The following CEP112 variants were observed in gnomAD, a reference collection of about 807,000 sequenced individuals.
CEP112 encodes centrosomal protein of 112 kDa.
CEP112 carries 127 observed loss-of-function variants against 153.0 expected under a neutral mutation model. The observed-to-expected ratio is 0.83, with a 90% CI of 0.72 to 0.96. CEP112 has a LOEUF of 0.96. Among genes scored for constraint, CEP112 ranks in the 40% least tolerant of loss-of-function variants. CEP112 has a pLI of 0.00. For missense variants in CEP112, 1,089 were observed against 1,101.2 expected (o/e 0.99, Z 0.16); for synonymous variants, 358 against 374.4 (o/e 0.96, Z 0.51).
intron 21 of CEP112, among the ~76,000 whole-genome samples, chr17:65,821,179 A>G (rs1228922027): frequency 6.6e-6 from 1 of 151,788 alleles, no homozygotes; most frequent in African/African-American, 2.4e-5. Flanking sequence ...GTTTTTAGCC[A>G]TAAGTGCAGT....
intron 4 of CEP112, among the ~76,000 whole-genome samples, chr17:66,158,411 G>A (rs1314269836): frequency 6.6e-6 from 1 of 152,110 alleles, no homozygotes; most frequent in Non-Finnish European, 1.5e-5. Context: ...AGGAGATCGA[G>A]ATCATCCTGG....
intron 23 of CEP112, among the ~76,000 whole-genome samples, chr17:65,727,642 C>A (rs181155333): frequency 6.6e-6 from 1 of 152,218 alleles, no homozygotes; most frequent in African/African-American, 2.4e-5. Flanking sequence ...CTGGAGGTAA[C>A]CCTGATAGAC....
chr17:65,744,329 A>G (rs1262250582), intron 22 of CEP112, among the ~76,000 whole-genome samples: 1 of 151,438 alleles, frequency 6.6e-6, no homozygotes, highest in Non-Finnish European at 1.5e-5. Flanking sequence ...TCTCGGCTCA[A>G]TGTAACCTCC....
At chr17:65,903,915 C>A (rs983479470) in intron 19 of CEP112, among the ~76,000 whole-genome samples, 3 of 152,074 alleles carry the variant, frequency 2.0e-5, no homozygotes, top group African/African-American at 7.2e-5. Flanking sequence ...ATTCAACATC[C>A]CTTCATGCTA....
chr17:65,940,312 C>A (rs928566240), intron 18 of CEP112, among the ~76,000 whole-genome samples: 4 of 152,122 alleles, frequency 2.6e-5, no homozygotes, highest in Non-Finnish European at 4.4e-5. Context: ...ATAACCACTA[C>A]AGAAAATGTA....
intron 24 of CEP112, among the ~76,000 whole-genome samples, chr17:65,654,056 CAA>C (rs773433478): frequency 0.03 from 793 of 26,756 alleles, 1 homozygote; most frequent in East Asian, 0.053. Context: ...AAGACTCCAT[CAA>C]AAAAAAAAAA....
At chr17:65,825,148 T>A (rs2056778611) in intron 21 of CEP112, among the ~76,000 whole-genome samples, 1 of 152,234 alleles carries the variant, frequency 6.6e-6, no homozygotes. Flanking sequence ...ATTATTCATT[T>A]TGAACAAAAC....
chr17:66,122,438 T>A (rs1308465419), intron 6 of CEP112, among the ~76,000 whole-genome samples: 1 of 152,166 alleles, frequency 6.6e-6, no homozygotes, highest in South Asian at 2.1e-4. Flanking sequence ...CCCCTCTCCA[T>A]GAGTAATTTT....
chr17:65,661,715 T>C (rs1242878318), intron 24 of CEP112: 3 of 152,204 alleles, frequency 2.0e-5, no homozygotes, highest in Non-Finnish European at 4.4e-5. Flanking sequence ...TTTTTGCCAA[T>C]GTAAAGACAT....
intron 19 of CEP112, among the ~76,000 whole-genome samples, chr17:65,909,885 T>C (rs1225280551): frequency 6.6e-6 from 1 of 152,140 alleles, no homozygotes; most frequent in Non-Finnish European, 1.5e-5. Flanking sequence ...TTTTCCAGTA[T>C]CCCAGTTTTA....
At chr17:65,950,227 T>A (rs2061777706) in intron 18 of CEP112, among the ~76,000 whole-genome samples, 1 of 152,160 alleles carries the variant, frequency 6.6e-6, no homozygotes, top group African/African-American at 2.4e-5. Context: ...TAAACTTTAC[T>A]AGTGAAAATA....
chr17:65,636,595 CTTTCTTT>C (rs1434817487), intron 26 of CEP112: 1 of 154,478 alleles, frequency 6.5e-6, no homozygotes, highest in African/African-American at 2.4e-5. Flanking sequence ...CATCTTTCAT[CTTTCTTT>C]TTTCTTTTTC....
intron 4 of CEP112, among the ~76,000 whole-genome samples, chr17:66,158,568 C>T (rs559982445): frequency 5.9e-4 from 89 of 152,066 alleles, no homozygotes; most frequent in Middle Eastern, 3.4e-3. Context: ...GCCGAGATCG[C>T]GCCACTGCAC....
intron 21 of CEP112, among the ~76,000 whole-genome samples, chr17:65,765,744 T>C (rs2052927392): frequency 6.6e-6 from 1 of 152,102 alleles, no homozygotes; most frequent in Admixed American, 6.6e-5. Flanking sequence ...TCATCTGTGA[T>C]ACTGATCACA....
At chr17:65,826,938 C>T (rs976140046) in intron 21 of CEP112, among the ~76,000 whole-genome samples, 1 of 152,098 alleles carries the variant, frequency 6.6e-6, no homozygotes, top group African/African-American at 2.4e-5. Context: ...GAGAGGCAGA[C>T]CAACCCTCAA....
rs376211922 is a variant in CEP112, at chr17:65,928,128, G to C, written c.1873-439C>G. ...TTAAAGTGGGCAAAGAGCCTGAATA[G>C]ATATTTCTCCAAAAAGATATACAAA... On this transcript the variant is annotated intron_variant, in intron 18 of 26. Transcript: ENST00000535342. Among the ~76,000 whole-genome samples, 8 of 152,146 alleles carry C rather than the reference G, an allele frequency of 5.3e-5. No individual in the cohort carries two copies. In the East Asian group the frequency reaches 5.8e-4, roughly 11 times the overall value.
chr17:66,035,910 A>ATT (rs1805409754), intron 12 of CEP112, among the ~76,000 whole-genome samples: 1 of 152,216 alleles, frequency 6.6e-6, no homozygotes, highest in African/African-American at 2.4e-5. Flanking sequence ...CCGAAGTGTG[A>ATT]TGGGGGAAAG....
chr17:66,087,703 G>A (rs1348324513), intron 8 of CEP112, among the ~76,000 whole-genome samples: 1 of 152,118 alleles, frequency 6.6e-6, no homozygotes, highest in Non-Finnish European at 1.5e-5. Flanking sequence ...CACGAAATAG[G>A]AAAAGACATA....
At chr17:65,662,517 C>T (rs971415630) in intron 24 of CEP112, among the ~76,000 whole-genome samples, 1 of 152,050 alleles carries the variant, frequency 6.6e-6, no homozygotes, top group African/African-American at 2.4e-5. Context: ...AGATTTTGTT[C>T]TTTCCGTTGA....
Sources: allele counts gnomAD v4.1 joint callset (sites outside exome capture counted in the v4.1 genomes callset), GRCh38; gene constraint gnomAD v4.1.1; transcripts MANE v1.5; gene names NCBI Gene and HGNC (gene_info 2026-07-23, HGNC 2026-07-21).